Variants in TASP1 observed in about 807,000 individuals in gnomAD.
TASP1 encodes the protein threonine aspartase 1.
A neutral mutation model predicts 56.6 loss-of-function variants in TASP1; 16 were observed. The ratio of observed to expected loss-of-function variants is 0.28; its 90% CI spans 0.19 to 0.43. The LOEUF is 0.43. Ranked by LOEUF, TASP1 falls within the 20% of genes least tolerant of loss-of-function variation. The pLI is 1.00. For synonymous variants in TASP1, 179 were observed against 184.2 expected (o/e 0.97, Z 0.23); for missense variants, 393 against 511.6 (o/e 0.77, Z 2.24).
At chr20:13,275,166 A>T in the TASP1 span, among the ~76,000 whole-genome samples, 2 of 152,150 alleles carry the variant, frequency 1.3e-5, no homozygotes, top group African/African-American at 2.4e-5. Context: ...ATTCATTTCA[A>T]CCCATATATT....
chr20:13,357,814 A>G, the TASP1 span, among the ~76,000 whole-genome samples: 2 of 151,432 alleles, frequency 1.3e-5, no homozygotes, highest in South Asian at 4.1e-4. Context: ...TTAATGATCT[A>G]CTACTACATG....
At chr20:13,345,051 C>T in the TASP1 span, among the ~76,000 whole-genome samples, 1 of 152,270 alleles carries the variant, frequency 6.6e-6, no homozygotes, top group South Asian at 2.1e-4. Flanking sequence ...TACACACATT[C>T]ACTAGGCTGG....
the TASP1 span, among the ~76,000 whole-genome samples, chr20:13,155,864 A>G: frequency 4.1e-4 from 62 of 152,308 alleles, no homozygotes; most frequent in Non-Finnish European, 3.1e-4. Context: ...AGCATGCCAC[A>G]TCATTCCCAC....
the TASP1 span, among the ~76,000 whole-genome samples, chr20:13,180,438 A>G: frequency 2.0e-5 from 3 of 152,064 alleles, no homozygotes; most frequent in Non-Finnish European, 2.9e-5. Flanking sequence ...CAAAATTAAT[A>G]TTTTCTTAAT....
At chr20:13,455,167 G>C (rs947348365) in intron 11 of TASP1, among the ~76,000 whole-genome samples, 4 of 151,990 alleles carry the variant, frequency 2.6e-5, no homozygotes, top group Non-Finnish European at 5.9e-5. Flanking sequence ...AAACATTTTT[G>C]GAGAGTAAAT....
At chr20:13,251,339 A>G in the TASP1 span, among the ~76,000 whole-genome samples, 16 of 152,218 alleles carry the variant, frequency 1.1e-4, no homozygotes, top group Non-Finnish European at 1.5e-5. Flanking sequence ...TCAGTTCTTA[A>G]CCTTCAAACT....
the TASP1 span, among the ~76,000 whole-genome samples, chr20:13,196,337 A>T: frequency 2.6e-5 from 4 of 152,344 alleles, no homozygotes; most frequent in Admixed American, 1.3e-4. Flanking sequence ...GTAGTGTTGC[A>T]TACAAATATT....
chr20:13,201,239 G>A, the TASP1 span, among the ~76,000 whole-genome samples: 1 of 152,186 alleles, frequency 6.6e-6, no homozygotes, highest in Non-Finnish European at 1.5e-5. Context: ...AAAGGCAAGA[G>A]TAAAATTAAG....
chr20:13,269,934 A>AGGATGGAT, the TASP1 span, among the ~76,000 whole-genome samples: 13,983 of 149,772 alleles, frequency 0.093, 856 homozygotes, highest in African/African-American at 0.15. Context: ...TGTGGGTGGA[A>AGGATGGAT]GGATGGATGG....
the TASP1 span, among the ~76,000 whole-genome samples, chr20:13,105,621 A>AT: frequency 9.9e-5 from 15 of 152,078 alleles, no homozygotes; most frequent in Non-Finnish European, 2.1e-4. Context: ...GAATTTACAT[A>AT]TTTTTTCCAA....
intron 11 of TASP1, among the ~76,000 whole-genome samples, chr20:13,474,766 T>C (rs2044658905): frequency 1.3e-5 from 2 of 152,188 alleles, no homozygotes; most frequent in Admixed American, 6.5e-5. Context: ...TGTAAAAGTG[T>C]TCTCTTTACA....
At chr20:13,458,631 A>G (rs2043935859) in intron 11 of TASP1, among the ~76,000 whole-genome samples, 1 of 151,834 alleles carries the variant, frequency 6.6e-6, no homozygotes, top group South Asian at 2.1e-4. Context: ...ATGAGCCACC[A>G]CTCCTGGCCC....
At chr20:13,433,127 G>C (rs957936001) in intron 12 of TASP1, among the ~76,000 whole-genome samples, 1 of 152,066 alleles carries the variant, frequency 6.6e-6, no homozygotes, top group South Asian at 2.1e-4. Flanking sequence ...CCGTCACCTA[G>C]CCCCGCACCC....
At chr20:13,215,059 A>G in the TASP1 span, among the ~76,000 whole-genome samples, 17 of 152,178 alleles carry the variant, frequency 1.1e-4, no homozygotes, top group Non-Finnish European at 1.8e-4. Context: ...TTCCATTTGG[A>G]TATGCACCCA....
chr20:13,557,856 G>C lies in TASP1; in HGVS notation c.675+1152C>G, dbSNP rs145330839. Among the ~76,000 whole-genome samples, 17 of 152,022 alleles carry C rather than the reference G, an allele frequency of 1.1e-4. No individual in the cohort carries two copies. The East Asian group carries it at 3.1e-3, about 28-fold the overall frequency. On this transcript the variant is annotated intron_variant, in intron 8 of 13. Coordinates refer to ENST00000337743, the MANE Select transcript of TASP1 (RefSeq NM_017714.3). ...AAAGTACTGTGATTTACAGGCATGA[G>C]CCACTGCACCTGGCCTATCATGAAT...
chr20:13,515,467 A>C (rs568489928), intron 10 of TASP1, among the ~76,000 whole-genome samples: 2 of 151,616 alleles, frequency 1.3e-5, no homozygotes, highest in African/African-American at 4.9e-5. Context: ...GCTTGCGAAA[A>C]TGTAGAATCC....
intron 7 of TASP1, among the ~76,000 whole-genome samples, chr20:13,563,969 C>T (rs149233287): frequency 1.8e-4 from 27 of 152,112 alleles, no homozygotes; most frequent in Non-Finnish European, 3.4e-4. Context: ...AAAGCTTTTC[C>T]CCTAAAATCA....
chr20:13,193,706 G>A, the TASP1 span, among the ~76,000 whole-genome samples: 1 of 152,216 alleles, frequency 6.6e-6, no homozygotes, highest in Non-Finnish European at 1.5e-5. Flanking sequence ...CAAGGAGCCA[G>A]ACTACCTCTC....
At chr20:13,442,293 GACACACACACAC>G (rs35295009) in intron 11 of TASP1, among the ~76,000 whole-genome samples, 1 of 147,770 alleles carries the variant, frequency 6.8e-6, no homozygotes, top group African/African-American at 2.5e-5. Context: ...CACAGACACA[GACACACACACAC>G]ACACACACAC....
Sources: gnomAD v4.1 joint callset for allele counts (sites outside exome capture counted in the v4.1 genomes callset) on GRCh38, gnomAD v4.1.1 for gene constraint, MANE v1.5 for transcripts, NCBI Gene and HGNC (gene_info 2026-07-23, HGNC 2026-07-21) for gene names.